Variants in GNA12 observed in about 807,000 individuals in gnomAD.
GNA12 encodes the protein guanine nucleotide-binding protein subunit alpha-12.
GNA12 carries 9 observed loss-of-function variants against 26.0 expected under a neutral mutation model. The observed-to-expected ratio is 0.35, with a 90% CI of 0.21 to 0.60. The LOEUF is 0.60. Among genes scored for constraint, GNA12 ranks in the 20% least tolerant of loss-of-function variants. GNA12 has a pLI of 0.78. For missense variants in GNA12, 405 were observed against 525.8 expected (o/e 0.77, Z 2.25); for synonymous variants, 264 against 219.6 (o/e 1.20, Z -1.79).
chr7:2,761,089 G>C (rs1339559378), intron 2 of GNA12, among the ~76,000 whole-genome samples: 1 of 152,198 alleles, frequency 6.6e-6, no homozygotes, highest in Non-Finnish European at 1.5e-5. Flanking sequence ...CTCATAGAAA[G>C]CATTTCCTAC....
At chr7:2,734,625 G>T (rs1190331351) in intron 2 of GNA12, among the ~76,000 whole-genome samples, 1 of 152,236 alleles carries the variant, frequency 6.6e-6, no homozygotes, top group Non-Finnish European at 1.5e-5. Flanking sequence ...CTCTGTCCCA[G>T]ACAGACTGAG....
At chr7:2,766,331 T>G (rs934061031) in intron 2 of GNA12, among the ~76,000 whole-genome samples, 1 of 152,122 alleles carries the variant, frequency 6.6e-6, no homozygotes, top group Non-Finnish European at 1.5e-5. Context: ...ATTGTGTGTA[T>G]GTACTACATG....
intron 1 of GNA12, among the ~76,000 whole-genome samples, chr7:2,825,783 G>C (rs889720536): frequency 1.3e-5 from 2 of 152,148 alleles, no homozygotes. Flanking sequence ...TGGTGGGGCC[G>C]CAGACACAAA....
At chr7:2,826,265 C>G (rs1331297529) in intron 1 of GNA12, among the ~76,000 whole-genome samples, 1 of 151,258 alleles carries the variant, frequency 6.6e-6, no homozygotes, top group Non-Finnish European at 1.5e-5. Flanking sequence ...GTAATCCCAG[C>G]TACTTGGGAG....
At chr7:2,743,221 T>A (rs995798105) in intron 2 of GNA12, among the ~76,000 whole-genome samples, 2 of 152,234 alleles carry the variant, frequency 1.3e-5, no homozygotes, top group African/African-American at 4.8e-5. Context: ...TGCTGTGATC[T>A]AAGCAACCAC....
Position 2,762,493 on chromosome 7 carries a change from G to A in GNA12, c.526-28992C>T. 11 of 796,042 alleles carry A rather than the reference G, an allele frequency of 1.4e-5. No individual in the cohort carries two copies. The South Asian group carries it at 1.6e-4, about 12-fold the overall frequency. The allele number at this position is 796,042 out of a possible 1,614,324, so 49.3% of individuals were successfully genotyped here. A position where few individuals can be genotyped will look rare whatever the true frequency, so the allele number is the denominator to read the frequency against. On this transcript the variant is annotated intron_variant, in intron 2 of 3. Coordinates refer to ENST00000275364, the MANE Select transcript of GNA12 (RefSeq NM_007353.3). ...AACCCACCCGTGTGCGGGGCCTGAG[G>A]TGTGAGTAGCCTAACTGTGGACTAC...
chr7:2,814,446 C>G, intron 1 of GNA12: 2 of 987,618 alleles, frequency 2.0e-6, no homozygotes, highest in South Asian at 2.5e-5. Flanking sequence ...TTAGAGACAT[C>G]AGAATAAAGC....
At chr7:2,829,074 G>T (rs1391645754) in intron 1 of GNA12, among the ~76,000 whole-genome samples, 7 of 51,604 alleles carry the variant, frequency 1.4e-4, no homozygotes, top group African/African-American at 4.8e-4. Context: ...CCCTGTCTCA[G>T]GAAAAAAAAA....
At chr7:2,820,096 T>G (rs576282823) in intron 1 of GNA12, among the ~76,000 whole-genome samples, 1 of 152,266 alleles carries the variant, frequency 6.6e-6, no homozygotes, top group Non-Finnish European at 1.5e-5. Flanking sequence ...GAAACGATGC[T>G]AAGAAGTCCG....
rs1480001576 is a variant in GNA12, at chr7:2,729,864, A to T, written c.*1317T>A. On this transcript the variant is annotated 3_prime_UTR_variant, in exon 4 of 4. Coordinates refer to ENST00000275364, the MANE Select transcript of GNA12 (RefSeq NM_007353.3). ...ATGTATTTTAAACACAGTGAAAGCC[A>T]CCTGGCAGGTAGCTGGACAAGTGAG... 6.6e-6 allele frequency: 1 copy of T among 152,428 alleles called. No individual in the cohort carries two copies. The highest frequency in any genetic ancestry group is 1.5e-5 in the Non-Finnish European group (1 of 68,076). The allele number at this position is 152,428 out of a possible 1,614,324, so 9.4% of individuals were successfully genotyped here. A position where few individuals can be genotyped will look rare whatever the true frequency, so the allele number is the denominator to read the frequency against.
chr7:2,775,871 C>T (rs1792064002), intron 2 of GNA12, among the ~76,000 whole-genome samples: 1 of 152,184 alleles, frequency 6.6e-6, no homozygotes. Context: ...GACAGGTTAC[C>T]CAGGGGCACA....
chr7:2,844,163 G>A lies in GNA12; in HGVS notation c.-2C>T, dbSNP rs2114987468. On this transcript the variant is annotated 5_prime_UTR_variant, in exon 1 of 4. Coordinates refer to ENST00000275364, the MANE Select transcript of GNA12 (RefSeq NM_007353.3). ...GAGGGTCCGCACCACCCCGGACATG[G>A]CCCCTCAGGCCGCGGCCGCGCCCCG... The A allele has an allele frequency of 1.0e-6, 1 of 983,126 alleles. No individual in the cohort carries two copies. 60.9% of individuals were successfully genotyped at this position (983,126 alleles called of 1,614,324 possible).
At chr7:2,749,805 G>A (rs910450011) in intron 2 of GNA12, among the ~76,000 whole-genome samples, 1 of 152,130 alleles carries the variant, frequency 6.6e-6, no homozygotes, top group Non-Finnish European at 1.5e-5. Context: ...GGGGATGAGA[G>A]AGGAAAGAAT....
chr7:2,832,255 T>C (rs939269902), intron 1 of GNA12, among the ~76,000 whole-genome samples: 1 of 152,204 alleles, frequency 6.6e-6, no homozygotes, highest in African/African-American at 2.4e-5. Context: ...TCCCGTTGTG[T>C]TTCCTGTCCC....
intron 2 of GNA12, among the ~76,000 whole-genome samples, chr7:2,759,858 CGCCCCCGTCTCAGA>C (rs1301551323): frequency 1.3e-5 from 2 of 151,794 alleles, no homozygotes; most frequent in Non-Finnish European, 2.9e-5. Flanking sequence ...TGCGATTGTC[CGCCCCCGTCTCAGA>C]GCCCCACGGC....
chr7:2,843,706 G>T lies in GNA12; in HGVS notation c.309+147C>A, dbSNP rs544735993. 11 of 430,786 alleles carry T rather than the reference G, an allele frequency of 2.6e-5. No individual in the cohort carries two copies. In the Admixed American group the frequency reaches 4.8e-4, roughly 19 times the overall value. 26.7% of individuals were successfully genotyped at this position (430,786 alleles called of 1,614,324 possible). A position where few individuals can be genotyped will look rare whatever the true frequency, so the allele number is the denominator to read the frequency against. On this transcript the variant is annotated intron_variant, in intron 1 of 3. Coordinates refer to ENST00000275364, the MANE Select transcript of GNA12 (RefSeq NM_007353.3). ...CCAGCAGGCCTCGGGGAATGGGTCG[G>T]GGGGGAGTGGGGTGCAGGCGGGGCT...
rs1790242698 is a variant in GNA12 at position 2,737,274 on chromosome 7, G to GTTTTGTTTTGTTTTTTTT, written c.526-3774_526-3773insAAAAAAAACAAAACAAAA. Among the ~76,000 whole-genome samples, 13 of 35,040 alleles carry GTTTTGTTTTGTTTTTTTT rather than the reference G, an allele frequency of 3.7e-4. 1 individual carries two copies. The highest frequency in any genetic ancestry group is 1.3e-3 in the African/African-American group (13 of 10,138). The allele number at this position is 35,040 out of a possible 152,430, so 23.0% of individuals were successfully genotyped here. A position where few individuals can be genotyped will look rare whatever the true frequency, so the allele number is the denominator to read the frequency against. On this transcript the variant is annotated intron_variant, in intron 2 of 3. Transcript: ENST00000275364. ...AGGAGCTATCTCACAGTTTTGTTTTGTTTTTTTTTTTTTTGTTTTTTTTTT... is the reference window on the plus strand; with the variant it reads ...AGGAGCTATCTCACAGTTTTGTTTTGTTTTGTTTTGTTTTTTTTTTTTTTTTTTTTTTGTTTTTTTTTT...
rs144800694 is a variant in GNA12 at position 2,843,568 on chromosome 7, G to A, written c.309+285C>T. ...AGGCTAAGGAGGGAGTAGGGCTTGA[G>A]CCTGGGAGGTCGAGGCTGCAGTGAG... On this transcript the variant is annotated intron_variant, in intron 1 of 3. Coordinates refer to ENST00000275364, the MANE Select transcript of GNA12 (RefSeq NM_007353.3). 2.1e-4 allele frequency among the ~76,000 whole-genome samples: 32 copies of A among 152,144 alleles called. No homozygotes were observed. The East Asian group carries it at 6.0e-3, about 29-fold the overall frequency.
At chr7:2,733,885 G>C (rs1790028130) in intron 2 of GNA12, among the ~76,000 whole-genome samples, 1 of 152,192 alleles carries the variant, frequency 6.6e-6, no homozygotes, top group African/African-American at 2.4e-5. Flanking sequence ...TGGCTCCTGG[G>C]TACAGTCTTG....
Sources: allele counts gnomAD v4.1 joint callset (sites outside exome capture counted in the v4.1 genomes callset), GRCh38; gene constraint gnomAD v4.1.1; transcripts MANE v1.5; gene names NCBI Gene and HGNC (gene_info 2026-07-23, HGNC 2026-07-21).